Variants in MAZ observed in about 807,000 individuals in gnomAD.
MAZ encodes the protein MYC associated zinc finger protein, also known as myc-associated zinc finger protein.
A neutral mutation model predicts 32.7 loss-of-function variants in MAZ; 4 were observed. The observed-to-expected ratio is 0.12, with a 90% CI of 0.06 to 0.28. The LOEUF is 0.28. Ranked by LOEUF, MAZ falls within the 10% of genes least tolerant of loss-of-function variation. The probability of loss-of-function intolerance (pLI) is 1.00; values close to 1 mark genes in which losing one functional copy is unlikely to be tolerated. For missense variants in MAZ, 763 were observed against 667.2 expected, an observed-to-expected ratio of 1.14 and a Z score of -1.58; for synonymous variants, 510 against 297.6, an observed-to-expected ratio of 1.71 and a Z score of -7.35.
In MAZ at chr16:29,806,752, G is replaced by C; in HGVS notation, c.51G>C (p.Leu17=). 1.4e-6 allele frequency: 2 copies of C among 1,419,708 alleles called. No individual in the cohort carries two copies. Among genetic ancestry groups the C allele is most frequent in the Middle Eastern group, 1.9e-4 (1 of 5,276 alleles). The allele number at this position is 1,419,708 out of a possible 1,614,324, so 87.9% of individuals were successfully genotyped here. Residue 17 remains leucine, a synonymous_variant, in exon 1 of 5, where the codon CTG becomes CTC. Coordinates refer to ENST00000322945, the MANE Select transcript of MAZ (RefSeq NM_002383.4). ...TGCTGGCCCCCCCCTTCCCCGTGCT[G>C]GGCCTGGACTCCCGGGGGGTGGGCG... ...CTLLAPPFPV[L]GLDSRGVGGL...
upstream of MAZ, chr16:29,806,302 G>A: frequency 8.0e-6 from 1 of 124,232 alleles, no homozygotes; most frequent in East Asian, 1.4e-4. Context: ...TCCCTCCCTC[G>A]CGCCCTCCCC....
In MAZ at chr16:29,807,457, T is replaced by C. The variant is rs750600142; in HGVS notation, c.672T>C (p.Ala224=). The change falls in exon 2 of 5, where the codon GCT becomes GCC. Residue 224 remains alanine (A), a synonymous_variant. Coordinates refer to ENST00000322945, the MANE Select transcript of MAZ (RefSeq NM_002383.4). ...GAKAGRVPSG[A]MKMPTMVPLS... ...AGGCCGGCCGGGTCCCCTCGGGTGC[T>C]ATGAAGATGCCGACCATGGTGCCCC... The C allele has an allele frequency of 3.2e-5, 52 of 1,612,242 alleles. No homozygotes were observed. The highest frequency in any genetic ancestry group is 3.9e-5 in the Non-Finnish European group (46 of 1,179,732).
chr16:29,809,196 C>T (rs535333243), intron 4 of MAZ: 9 of 496,986 alleles, frequency 1.8e-5, no homozygotes, highest in African/African-American at 9.9e-5. Context: ...GTTGAGACCG[C>T]GGGGCACTGG....
rs1313888930 is a variant in MAZ, at chr16:29,810,550, C to G, written c.*319C>G. Reference sequence around the variant, plus strand: ...CCTCTCCTCTCTGTAAGCCCATGCCCTGTCTTCCCAGGGACTTGTGAGCCT... The same window carrying G: ...CCTCTCCTCTCTGTAAGCCCATGCCGTGTCTTCCCAGGGACTTGTGAGCCT... On this transcript the variant is annotated 3_prime_UTR_variant, in exon 5 of 5. Coordinates refer to ENST00000322945, the MANE Select transcript of MAZ (RefSeq NM_002383.4). 1.4e-6 allele frequency: 1 copy of G among 700,424 alleles called. No individual in the cohort carries two copies. Among genetic ancestry groups the G allele is most frequent in the Non-Finnish European group, 2.6e-6 (1 of 384,040 alleles). 43.4% of individuals were successfully genotyped at this position (700,424 alleles called of 1,614,324 possible). A position where few individuals can be genotyped will look rare whatever the true frequency, so the allele number is the denominator to read the frequency against.
Position 29,807,550 on chromosome 16 carries a change from C to A in MAZ, c.765C>A (p.Gly255=). The A allele has an allele frequency of 6.2e-7, 1 of 1,600,674 alleles. No homozygotes were observed. Among genetic ancestry groups the A allele is most frequent in the Non-Finnish European group, 8.5e-7 (1 of 1,175,222 alleles). The stretch of plus-strand genomic sequence containing the variant: ...GAGGGGGAGAGGCGGGTGCCGGCGG[C>A]GGCGCTGCCGCAGTGGCCGCCGGTG... ...GGGGGEAGAG[G]GAAAVAAGGV... is the part of the protein sequence containing the mutation. Residue 255 remains glycine, a synonymous_variant, in exon 2 of 5, where the codon GGC becomes GGA. Coordinates refer to ENST00000322945, the MANE Select transcript of MAZ (RefSeq NM_002383.4).
In MAZ at chr16:29,810,119, C is replaced by A; in HGVS notation, c.1322C>A (p.Ala441Glu). The A allele has an allele frequency of 6.2e-7, 1 of 1,608,190 alleles. No homozygotes were observed. ...VCPMAAAAAA[A>E]AAAAAAAVAA... ...CCAATGGCGGCGGCAGCGGCAGCGG[C>A]GGCAGCGGCAGCAGCGGCAGCAGTA... The change falls in exon 5 of 5, where the codon GCG becomes GAG. Residue 441 changes from alanine to glutamate, a missense_variant. Physicochemically the swap from Ala to Glu is moderately radical, Grantham distance 107. Transcript: ENST00000322945.
Position 29,806,978 on chromosome 16 carries a change from G to T in MAZ, c.193G>T (p.Ala65Ser). The T allele has an allele frequency of 9.7e-7, 1 of 1,026,954 alleles. No individual in the cohort carries two copies. Among genetic ancestry groups the T allele is most frequent in the Non-Finnish European group, 1.2e-6 (1 of 861,146 alleles). 63.6% of individuals were successfully genotyped at this position (1,026,954 alleles called of 1,614,324 possible). A position where few individuals can be genotyped will look rare whatever the true frequency, so the allele number is the denominator to read the frequency against. ...CCCACTCGGCGCCTTGTCTCCGCAG[G>T]CCGCGCCGGCGCCCCCGCCCACGCC... ...SQGCAQSPFQ[A>S]APAPPPTPQA... Residue 65 changes from alanine (A) to serine (S), a missense_variant and splice_region_variant, in exon 2 of 5, where the codon GCC (alanine) becomes TCC (serine). Coordinates refer to ENST00000322945, the MANE Select transcript of MAZ (RefSeq NM_002383.4).
At chr16:29,808,984 G>A (rs1046496218) in intron 4 of MAZ, 20 of 566,822 alleles carry the variant, frequency 3.5e-5, no homozygotes, top group Non-Finnish European at 5.9e-5. Context: ...GGGAAAGCGG[G>A]AGTGGAACTT....
At chr16:29,809,152 A>C in intron 4 of MAZ, 1 of 487,826 alleles carries the variant, frequency 2.0e-6, no homozygotes, top group Non-Finnish European at 3.6e-6. Context: ...GTAGCAGAGA[A>C]AGCTGCCTTC....
chr16:29,808,848 G>T, intron 4 of MAZ, 107 bp downstream of exon 4: 1 of 1,140,156 alleles, frequency 8.8e-7, no homozygotes, highest in Non-Finnish European at 1.2e-6. Flanking sequence ...AGCTCGTGGC[G>T]TCTAGATTCC....
At chr16:29,808,906 T>TA in intron 4 of MAZ, 165 bp downstream of exon 4, 1 of 636,176 alleles carries the variant, frequency 1.6e-6, no homozygotes. Flanking sequence ...TGAACATCAT[T>TA]AGACTCTAAG....
At chr16:29,808,060 C>T (rs1899640548) in intron 2 of MAZ, 170 bp from the exon 3 acceptor site, 1 of 976,678 alleles carries the variant, frequency 1.0e-6, no homozygotes, top group East Asian at 2.6e-5. Context: ...GAGGCGGCGG[C>T]GGCGGCAGCG....
In MAZ at chr16:29,810,771, A is replaced by C. The variant is rs1200815758; in HGVS notation, c.*540A>C. 3 of 365,336 alleles carry C rather than the reference A, an allele frequency of 8.2e-6. No individual in the cohort carries two copies. In the Admixed American group the frequency reaches 1.2e-4, roughly 15 times the overall value. The allele number at this position is 365,336 out of a possible 1,614,324, so 22.6% of individuals were successfully genotyped here. A position where few individuals can be genotyped will look rare whatever the true frequency, so the allele number is the denominator to read the frequency against. On this transcript the variant is annotated 3_prime_UTR_variant, in exon 5 of 5. Coordinates refer to ENST00000322945, the MANE Select transcript of MAZ (RefSeq NM_002383.4). ...GGAGGGGCAGAAGCAGGGCCGGCAA[A>C]GGTTGTACCTTCATAAGGTGGTATG...
In MAZ at chr16:29,810,135, G is replaced by GGCAGCAGTA. The variant is rs745370728; in HGVS notation, c.1344_1352dup (p.Val449_Ala451dup). The GGCAGCAGTA allele has an allele frequency of 1.2e-6, 2 of 1,609,842 alleles. No individual in the cohort carries two copies. The highest frequency in any genetic ancestry group is 2.2e-5 in the East Asian group (1 of 44,734). Reference sequence around the variant, plus strand: ...CGGCAGCGGCGGCAGCGGCAGCAGCGGCAGCAGTAGCAGCCCCTCCCACAG... The same window carrying GGCAGCAGTA: ...CGGCAGCGGCGGCAGCGGCAGCAGCGGCAGCAGTAGCAGCAGTAGCAGCCCCTCCCACAG... On this transcript the variant is annotated inframe_insertion, in exon 5 of 5. Coordinates refer to ENST00000322945, the MANE Select transcript of MAZ (RefSeq NM_002383.4).
At chr16:29,809,172 C>T (rs113505151) in intron 4 of MAZ, 20 of 492,424 alleles carry the variant, frequency 4.1e-5, no homozygotes, top group African/African-American at 2.8e-4. Flanking sequence ...CAGTCAGACT[C>T]ACCGGTTAAC....
chr16:29,808,054 C>A, intron 2 of MAZ, 176 bp from the exon 3 acceptor site: 17 of 947,686 alleles, frequency 1.8e-5, no homozygotes, highest in Middle Eastern at 3.0e-4. Context: ...TGGGAGGAGG[C>A]GGCGGCGGCG....
At chr16:29,808,816 G>A (rs1294063092) in intron 4 of MAZ, 75 bp downstream of exon 4, 2 of 1,470,762 alleles carry the variant, frequency 1.4e-6, no homozygotes, top group Non-Finnish European at 1.8e-6. Context: ...CACGGATACG[G>A]GTTAAGGGTG....
rs541796354 is a variant in MAZ at position 29,808,486 on chromosome 16, C to T, written c.1108-84C>T. The T allele has an allele frequency of 3.9e-5, 41 of 1,063,542 alleles. No homozygotes were observed. In the African/African-American group the frequency reaches 4.6e-4, roughly 12 times the overall value. 65.9% of individuals were successfully genotyped at this position (1,063,542 alleles called of 1,614,324 possible). Reference sequence around the variant, plus strand: ...ATCAAAGATCCCCAAGGCTCTGATTCCTTTAATCTCTTGCTCCCCCCTCCC... The same window carrying T: ...ATCAAAGATCCCCAAGGCTCTGATTTCTTTAATCTCTTGCTCCCCCCTCCC... On this transcript the variant is annotated intron_variant, in intron 3 of 4. Coordinates refer to ENST00000322945, the MANE Select transcript of MAZ (RefSeq NM_002383.4).
chr16:29,810,437 C>A lies in MAZ; in HGVS notation c.*206C>A, dbSNP rs1350295879. Reference sequence around the variant, plus strand: ...GCTCCTCTTCTGTCAGACCTGACCCCACACAAACCTGTCCCCTCGGTTGTG... The same window carrying A: ...GCTCCTCTTCTGTCAGACCTGACCCAACACAAACCTGTCCCCTCGGTTGTG... On this transcript the variant is annotated 3_prime_UTR_variant, in exon 5 of 5. Transcript: ENST00000322945. 2.8e-6 allele frequency: 2 copies of A among 723,302 alleles called. No individual in the cohort carries two copies. Among genetic ancestry groups the A allele is most frequent in the Admixed American group, 2.0e-5 (1 of 50,018 alleles). The allele number at this position is 723,302 out of a possible 1,614,324, so 44.8% of individuals were successfully genotyped here. A position where few individuals can be genotyped will look rare whatever the true frequency, so the allele number is the denominator to read the frequency against.
Sources: allele counts gnomAD v4.1 joint callset, GRCh38; gene constraint gnomAD v4.1.1; transcripts MANE v1.5; gene names NCBI Gene and HGNC (gene_info 2026-07-23, HGNC 2026-07-21).